NEDD4L: variants seen among roughly 807,000 people sequenced by gnomAD.
The protein encoded by NEDD4L is NEDD4 like E3 ubiquitin protein ligase.
NEDD4L carries 54 observed loss-of-function variants against 148.9 expected under a neutral mutation model. The ratio of observed to expected loss-of-function variants is 0.36; its 90% CI spans 0.29 to 0.45. The LOEUF (loss-of-function observed/expected upper bound fraction) is 0.45. NEDD4L is among the 20% of genes least tolerant of loss of function. The probability of loss-of-function intolerance (pLI) is 1.00; values close to 1 mark genes in which losing one functional copy is unlikely to be tolerated. For synonymous variants in NEDD4L, 433 were observed against 440.7 expected (o/e 0.98, Z 0.22); for missense variants, 856 against 1,233.8 (o/e 0.69, Z 4.59).
chr18:58,353,032 CAGGTTCATGG>C (rs1345789479), intron 18 of NEDD4L, among the ~76,000 whole-genome samples: 6 of 152,180 alleles, frequency 3.9e-5, no homozygotes, highest in African/African-American at 1.4e-4. Flanking sequence ...GACTTGAAAT[CAGGTTCATGG>C]AGGATCAGTG....
rs146147349 is a variant in NEDD4L at position 58,056,654 on chromosome 18, C to T, written c.48+11946C>T. Among the ~76,000 whole-genome samples the T allele has an allele frequency of 9.2e-3, 1,401 of 152,238 alleles. 33 individuals carry two copies. Among genetic ancestry groups the T allele is most frequent in the African/African-American group, 0.032 (1,327 of 41,536 alleles). On this transcript the variant is annotated intron_variant, in intron 1 of 30. Coordinates refer to ENST00000400345, the MANE Select transcript of NEDD4L (RefSeq NM_001144967.3). ...AGAGTGCAGTGACACCATCTTGGTTCACTGCAACCTCCACCTCCTGGGTTT... is the reference window on the plus strand; with the variant it reads ...AGAGTGCAGTGACACCATCTTGGTTTACTGCAACCTCCACCTCCTGGGTTT...
chr18:58,259,482 T>C (rs964361798), intron 5 of NEDD4L, among the ~76,000 whole-genome samples: 8 of 152,244 alleles, frequency 5.3e-5, no homozygotes, highest in African/African-American at 1.9e-4. Flanking sequence ...ATTAGAGTTA[T>C]TCTGAGGAAG....
chr18:58,047,600 G>GT lies in NEDD4L; in HGVS notation c.48+2894dup, dbSNP rs2081647190. ...TTTCGGGCGGAGGTTTCTCTGGTGA[G>GT]TTATAATTCATATTTACCCTGATTT... is the stretch of plus-strand genomic sequence containing the variant. On this transcript the variant is annotated intron_variant, in intron 1 of 30. Coordinates refer to ENST00000400345, the MANE Select transcript of NEDD4L (RefSeq NM_001144967.3). 8.4e-6 allele frequency: 6 copies of GT among 712,010 alleles called. No individual in the cohort carries two copies. In the Admixed American group the frequency reaches 3.8e-4, roughly 45 times the overall value. 44.1% of individuals were successfully genotyped at this position (712,010 alleles called of 1,614,324 possible). A position where few individuals can be genotyped will look rare whatever the true frequency, so the allele number is the denominator to read the frequency against.
rs1190613592 is a variant in NEDD4L at position 58,256,594 on chromosome 18, C to G, written c.297+4540C>G. On this transcript the variant is annotated intron_variant, in intron 5 of 30. Transcript: ENST00000400345. The surrounding 1 kb of genome is among the most constrained non-coding windows in gnomAD (Gnocchi z 5.2). Reference sequence around the variant, plus strand: ...CTGGCAGGATGGCTCCTGAAATCCGCAGGACGAACTCCGCGGAGAGGACTC... The same window carrying G: ...CTGGCAGGATGGCTCCTGAAATCCGGAGGACGAACTCCGCGGAGAGGACTC... The G allele has an allele frequency of 2.4e-6, 3 of 1,232,170 alleles. No individual in the cohort carries two copies. The highest frequency in any genetic ancestry group is 3.0e-6 in the Non-Finnish European group (3 of 988,074). The allele number at this position is 1,232,170 out of a possible 1,614,324, so 76.3% of individuals were successfully genotyped here. A position where few individuals can be genotyped will look rare whatever the true frequency, so the allele number is the denominator to read the frequency against.
intron 27 of NEDD4L, 169 bp downstream of exon 27, chr18:58,387,667 A>G (rs1241809619): frequency 1.3e-6 from 1 of 768,376 alleles, no homozygotes; most frequent in South Asian, 2.3e-5. Flanking sequence ...TGGTTCTATT[A>G]CATGTCTCTT....
intron 1 of NEDD4L, among the ~76,000 whole-genome samples, chr18:58,130,834 T>C (rs143375615): frequency 0.015 from 2,037 of 135,842 alleles, 49 homozygotes; most frequent in African/African-American, 0.055. Flanking sequence ...GTGTTGGCCT[T>C]TGTTGGGATT....
intron 1 of NEDD4L, among the ~76,000 whole-genome samples, chr18:58,162,140 C>T (rs370071236): frequency 6.6e-6 from 1 of 152,168 alleles, no homozygotes; most frequent in Non-Finnish European, 1.5e-5. Flanking sequence ...CAATTGTTCT[C>T]CCTCCTTCTG....
chr18:58,125,998 A>T (rs765513443), intron 1 of NEDD4L, among the ~76,000 whole-genome samples: 24 of 152,226 alleles, frequency 1.6e-4, no homozygotes, highest in Non-Finnish European at 3.1e-4. Context: ...GGAAGTTGGC[A>T]TCTGCTGTTG....
At chr18:58,181,693 G>C (rs970863809) in intron 2 of NEDD4L, among the ~76,000 whole-genome samples, 1 of 152,128 alleles carries the variant, frequency 6.6e-6, no homozygotes, top group African/African-American at 2.4e-5. Flanking sequence ...TCCTGTCGTG[G>C]CCTAAGAAAG....
rs576620612 is a variant in NEDD4L, at chr18:58,183,980, T to C, written c.122+18119T>C. Reference sequence around the variant, plus strand: ...GTCAGGAGATCAAGGCCATCCTGGCTAACATGGTGAAACCCCGTCTCTACT... The same window carrying C: ...GTCAGGAGATCAAGGCCATCCTGGCCAACATGGTGAAACCCCGTCTCTACT... On this transcript the variant is annotated intron_variant, in intron 2 of 30. Transcript: ENST00000400345. 6.7e-4 allele frequency among the ~76,000 whole-genome samples: 102 copies of C among 152,234 alleles called. 2 individuals carry two copies. The South Asian group carries it at 0.013, about 20-fold the overall frequency.
intron 1 of NEDD4L, among the ~76,000 whole-genome samples, chr18:58,070,788 A>G (rs2082831526): frequency 1.6e-5 from 2 of 125,074 alleles, no homozygotes; most frequent in Admixed American, 1.1e-4. Flanking sequence ...ATCTCTGTGT[A>G]GTTACTAGCG....
intron 5 of NEDD4L, among the ~76,000 whole-genome samples, chr18:58,299,672 A>G (rs796147579): frequency 1.6e-4 from 24 of 152,332 alleles, no homozygotes; most frequent in African/African-American, 5.8e-4. Context: ...GTTAAATTTC[A>G]TAAATAGATA....
At chr18:58,304,107 A>G (rs1335474710) in intron 5 of NEDD4L, among the ~76,000 whole-genome samples, 2 of 152,142 alleles carry the variant, frequency 1.3e-5, no homozygotes, top group Admixed American at 1.3e-4. Context: ...TGCTATATCT[A>G]GTGAGCAGAA....
chr18:58,267,414 T>C (rs1280981691), intron 5 of NEDD4L, among the ~76,000 whole-genome samples: 1 of 152,062 alleles, frequency 6.6e-6, no homozygotes, highest in Admixed American at 6.6e-5. Context: ...CAAGGAACTT[T>C]GTTTCTGTCT....
chr18:58,268,700 G>A (rs180950622), intron 5 of NEDD4L, among the ~76,000 whole-genome samples: 1,644 of 152,124 alleles, frequency 0.011, 36 homozygotes, highest in Non-Finnish European at 0.017. Flanking sequence ...ATTTTCTTTA[G>A]AACGTGGATT....
intron 1 of NEDD4L, among the ~76,000 whole-genome samples, chr18:58,101,947 A>G (rs2084778984): frequency 6.6e-6 from 1 of 152,190 alleles, no homozygotes; most frequent in African/African-American, 2.4e-5. Context: ...TTCACAACCC[A>G]TTTATTAAGA....
In NEDD4L at chr18:58,086,852, C is replaced by A. The variant is rs138033449; in HGVS notation, c.48+42144C>A. On this transcript the variant is annotated intron_variant, in intron 1 of 30. Transcript: ENST00000400345. Reference sequence around the variant, plus strand: ...TCATTGTGTCACACATTCATTCTTTCTTTTCAGTGAAAGTTAACCTGTTTC... The same window carrying A: ...TCATTGTGTCACACATTCATTCTTTATTTTCAGTGAAAGTTAACCTGTTTC... Among the ~76,000 whole-genome samples, 146 of 152,314 alleles carry A rather than the reference C, an allele frequency of 9.6e-4. 4 individuals are homozygous for A. In the East Asian group the frequency reaches 0.027, roughly 28 times the overall value.
chr18:58,143,193 T>A (rs577506079), intron 1 of NEDD4L, among the ~76,000 whole-genome samples: 31 of 152,362 alleles, frequency 2.0e-4, no homozygotes, highest in African/African-American at 7.5e-4. Context: ...ACAAGGGGAA[T>A]GCACATCATA....
At chr18:58,284,206 A>G (rs2053581650) in intron 5 of NEDD4L, among the ~76,000 whole-genome samples, 1 of 152,234 alleles carries the variant, frequency 6.6e-6, no homozygotes, top group Non-Finnish European at 1.5e-5. Context: ...TAATCAATAT[A>G]TATTTTTATC....
Sources: gnomAD v4.1 joint callset for allele counts (sites outside exome capture counted in the v4.1 genomes callset) on GRCh38, gnomAD v4.1.1 for gene constraint, Gnocchi (gnomAD v3.1) non-coding constraint, MANE v1.5 for transcripts, NCBI Gene and HGNC (gene_info 2026-07-23, HGNC 2026-07-21) for gene names.